Variants in DGKB observed in about 807,000 individuals in gnomAD.
The protein encoded by DGKB is diacylglycerol kinase beta, also known as 90 kDa diacylglycerol kinase.
In DGKB, 67 loss-of-function variants were observed where a neutral mutation model predicts 114.3. The observed-to-expected ratio is 0.59, with a 90% confidence interval of 0.48 to 0.72. The LOEUF (loss-of-function observed/expected upper bound fraction) is 0.72. DGKB is among the 30% of genes least tolerant of loss of function. The probability of loss-of-function intolerance (pLI) is 0.00; values close to 1 mark genes in which losing one functional copy is unlikely to be tolerated. For synonymous variants in DGKB, 398 were observed against 323.1 expected (o/e 1.23, Z -2.49); for missense variants, 907 against 975.2 (o/e 0.93, Z 0.93).
At chr7:14,594,461 G>T (rs1474732528) in intron 17 of DGKB, among the ~76,000 whole-genome samples, 2 of 152,040 alleles carry the variant, frequency 1.3e-5, no homozygotes, top group African/African-American at 4.8e-5. Context: ...GGAAAAATAC[G>T]ATAAAGAGTG....
intron 23 of DGKB, among the ~76,000 whole-genome samples, chr7:14,334,525 T>A (rs1260070548): frequency 6.6e-6 from 1 of 151,914 alleles, no homozygotes; most frequent in Non-Finnish European, 1.5e-5. Flanking sequence ...ATTTGAGAAC[T>A]GTTAATATGA....
At position 14,715,554 on chromosome 7, in the gene DGKB, A is replaced by G. The variant is rs548554441; in HGVS notation, c.466+2988T>C. ...CAGGCACACATGCACGTATGCATGC[A>G]TGCAAAAGCACACATCCAAGGGTAA... On this transcript the variant is annotated intron_variant, in intron 6 of 25. Coordinates refer to ENST00000402815, the MANE Select transcript of DGKB (RefSeq NM_001350709.2). Among the ~76,000 whole-genome samples, 8 of 152,284 alleles carry G rather than the reference A, an allele frequency of 5.3e-5. No individual in the cohort carries two copies. In the South Asian group the frequency reaches 1.7e-3, roughly 32 times the overall value.
chr7:14,751,749 A>G (rs1586219119), intron 4 of DGKB, among the ~76,000 whole-genome samples: 1 of 152,180 alleles, frequency 6.6e-6, no homozygotes, highest in African/African-American at 2.4e-5. Context: ...ATTACTTTTG[A>G]ATGCAGAAGA....
At chr7:14,164,897 T>C (rs1187844281) in intron 25 of DGKB, among the ~76,000 whole-genome samples, 2 of 152,186 alleles carry the variant, frequency 1.3e-5, no homozygotes, top group Non-Finnish European at 2.9e-5. Context: ...AAATGTGATA[T>C]ATGGTAATTT....
intron 23 of DGKB, among the ~76,000 whole-genome samples, chr7:14,319,492 A>G (rs969076991): frequency 6.6e-6 from 1 of 152,170 alleles, no homozygotes; most frequent in Non-Finnish European, 1.5e-5. Flanking sequence ...AAATGAATAC[A>G]TATTTTAATA....
At chr7:14,682,477 A>C in intron 12 of DGKB, 76 bp downstream of exon 12, 1 of 964,122 alleles carries the variant, frequency 1.0e-6, no homozygotes, top group South Asian at 1.4e-5. Flanking sequence ...CTTCTAGGGT[A>C]GGACTTTCAG....
At chr7:14,439,483 C>G (rs559147962) in intron 21 of DGKB, among the ~76,000 whole-genome samples, 4 of 152,188 alleles carry the variant, frequency 2.6e-5, no homozygotes, top group Non-Finnish European at 5.9e-5. Context: ...CTCTCCCATC[C>G]TCTCTCCTCA....
chr7:14,521,068 A>T (rs532332259), intron 20 of DGKB, among the ~76,000 whole-genome samples: 126 of 152,038 alleles, frequency 8.3e-4, no homozygotes, highest in African/African-American at 2.8e-3. Flanking sequence ...GATGTCAGGA[A>T]TTTTTTTGTA....
chr7:14,292,192 G>A (rs1448885377), intron 23 of DGKB, among the ~76,000 whole-genome samples: 1 of 152,134 alleles, frequency 6.6e-6, no homozygotes, highest in Non-Finnish European at 1.5e-5. Flanking sequence ...TTAAATTCAA[G>A]TGTCCCTTTC....
chr7:14,951,772 ATAGAAC>A (rs1786212019), intron 1 of DGKB, among the ~76,000 whole-genome samples: 1 of 152,008 alleles, frequency 6.6e-6, no homozygotes, highest in Non-Finnish European at 1.5e-5. Context: ...AGGGGGGTAT[ATAGAAC>A]TCTATTTTCT....
intron 2 of DGKB, among the ~76,000 whole-genome samples, chr7:14,769,117 G>GAA (rs752881178): frequency 2.9e-5 from 3 of 103,688 alleles, no homozygotes; most frequent in African/African-American, 1.1e-4. Context: ...AAGAAAGAAA[G>GAA]AAAGAAAGAG....
chr7:14,460,530 G>T (rs756788631), intron 21 of DGKB, among the ~76,000 whole-genome samples: 25 of 151,796 alleles, frequency 1.6e-4, no homozygotes, highest in Non-Finnish European at 2.5e-4. Flanking sequence ...AATGGTAAAG[G>T]AATCAATCCA....
chr7:14,892,864 A>ATG (rs10646592), intron 1 of DGKB, among the ~76,000 whole-genome samples: 3,302 of 146,838 alleles, frequency 0.022, 124 homozygotes, highest in African/African-American at 0.073. Context: ...ATATATATAT[A>ATG]TGTGTGTGTG....
chr7:14,784,195 C>T (rs1230970865), intron 2 of DGKB, among the ~76,000 whole-genome samples: 1 of 151,816 alleles, frequency 6.6e-6, no homozygotes, highest in East Asian at 1.9e-4. Flanking sequence ...TCAGCTGAAG[C>T]TCTTTTTTGT....
intron 21 of DGKB, among the ~76,000 whole-genome samples, chr7:14,346,014 C>A (rs1812416737): frequency 6.6e-6 from 1 of 150,636 alleles, no homozygotes; most frequent in East Asian, 2.0e-4. Context: ...AAATTTTATT[C>A]TTGTGAAAAA....
chr7:14,562,219 C>T (rs954489061), intron 20 of DGKB, among the ~76,000 whole-genome samples: 1 of 152,214 alleles, frequency 6.6e-6, no homozygotes, highest in African/African-American at 2.4e-5. Flanking sequence ...GGTTTGGAAA[C>T]CTCCACCTAG....
Position 14,170,145 on chromosome 7 carries a change from A to AAAAAGAAAG in DGKB, c.2304+6693_2304+6694insCTTTCTTTT, listed in dbSNP as rs1369239302. 1.9e-3 allele frequency among the ~76,000 whole-genome samples: 191 copies of AAAAAGAAAG among 100,002 alleles called. 8 individuals carry two copies. The East Asian group carries it at 0.025, about 13-fold the overall frequency. The allele number at this position is 100,002 out of a possible 152,430, so 65.6% of individuals were successfully genotyped here. ...GAGAAACTCCATCTCAAAAAAAAAAAAAAGAAAGAAAGAAAGAAAGAAAGA... is the reference window on the plus strand; with the variant it reads ...GAGAAACTCCATCTCAAAAAAAAAAAAAAAGAAAGAAAGAAAGAAAGAAAGAAAGAAAGA... On this transcript the variant is annotated intron_variant, in intron 25 of 25. Coordinates refer to ENST00000402815, the MANE Select transcript of DGKB (RefSeq NM_001350709.2).
At chr7:14,671,285 G>C (rs1412579674) in intron 13 of DGKB, among the ~76,000 whole-genome samples, 2 of 152,234 alleles carry the variant, frequency 1.3e-5, no homozygotes, top group Non-Finnish European at 2.9e-5. Flanking sequence ...AAAGGACCAG[G>C]AGTGAGGTAT....
chr7:14,442,011 T>C (rs1830146505), intron 21 of DGKB, among the ~76,000 whole-genome samples: 1 of 152,014 alleles, frequency 6.6e-6, no homozygotes, highest in Admixed American at 6.6e-5. Flanking sequence ...TATTAGCTTT[T>C]AATTTCCTTC....
Sources: gnomAD v4.1 joint callset for allele counts (sites outside exome capture counted in the v4.1 genomes callset) on GRCh38, gnomAD v4.1.1 for gene constraint, MANE v1.5 for transcripts, NCBI Gene and HGNC (gene_info 2026-07-23, HGNC 2026-07-21) for gene names.